The following PCDHGA12 variants were observed in gnomAD, a reference collection of about 807,000 sequenced individuals.
PCDHGA12 encodes the protein protocadherin gamma-A12.
In PCDHGA12, 43 loss-of-function variants were observed where a neutral mutation model predicts 61.1. The observed-to-expected ratio is 0.70, with a 90% CI of 0.55 to 0.91. The LOEUF (loss-of-function observed/expected upper bound fraction) is 0.91. Among genes scored for constraint, PCDHGA12 ranks in the 40% least tolerant of loss-of-function variants. The probability of loss-of-function intolerance (pLI) is 0.00; values close to 1 mark genes in which losing one functional copy is unlikely to be tolerated. For missense variants in PCDHGA12, 1,236 were observed against 1,227.7 expected, an observed-to-expected ratio of 1.01 and a Z score of -0.10; for synonymous variants, 520 against 542.9, an observed-to-expected ratio of 0.96 and a Z score of 0.59.
chr5:141,435,940 G>A (rs2097787697), intron 1 of PCDHGA12, among the ~76,000 whole-genome samples: 1 of 152,066 alleles, frequency 6.6e-6, no homozygotes, highest in Admixed American at 6.5e-5. Flanking sequence ...CTGCTTCTGA[G>A]ACCAAAAAAG....
In PCDHGA12 at chr5:141,473,538, T is replaced by C. The variant is rs544537855; in HGVS notation, c.2425-21269T>C. Among the ~76,000 whole-genome samples, 58 of 152,328 alleles carry C rather than the reference T, an allele frequency of 3.8e-4. 1 individual carries two copies. Among genetic ancestry groups the C allele is most frequent in the African/African-American group, 1.3e-3 (55 of 41,576 alleles). Reference sequence around the variant, plus strand: ...AAGGATCCTGGTTTTAACTGGGGCCTAATGGAAGACCTCTATTAGGAAATA... The same window carrying C: ...AAGGATCCTGGTTTTAACTGGGGCCCAATGGAAGACCTCTATTAGGAAATA... On this transcript the variant is annotated intron_variant, in intron 1 of 3. Coordinates refer to ENST00000252085, the MANE Select transcript of PCDHGA12 (RefSeq NM_003735.3).
Position 141,476,696 on chromosome 5 carries a change from G to T in PCDHGA12, c.2425-18111G>T, listed in dbSNP as rs750429892. ...GACGCGGGAGGACAGCACCAAGTAC[G>T]CGGAGCTGGTGTTGGAGCGCGCCCT... On this transcript the variant is annotated intron_variant, in intron 1 of 3. Transcript: ENST00000252085. This position sits in a 1 kb window ranked among gnomAD's most constrained non-coding sequence, Gnocchi z 7.6. 3 of 1,614,102 alleles carry T rather than the reference G, an allele frequency of 1.9e-6. No individual in the cohort carries two copies. The highest frequency in any genetic ancestry group is 2.5e-6 in the Non-Finnish European group (3 of 1,180,050).
Position 141,430,634 on chromosome 5 carries a change from C to A in PCDHGA12, c.-126C>A. 1 of 882,730 alleles carries A rather than the reference C, an allele frequency of 1.1e-6. No homozygotes were observed. The highest frequency in any genetic ancestry group is 1.7e-6 in the Non-Finnish European group (1 of 604,338). 54.7% of individuals were successfully genotyped at this position (882,730 alleles called of 1,614,324 possible). A position where few individuals can be genotyped will look rare whatever the true frequency, so the allele number is the denominator to read the frequency against. On this transcript the variant is annotated 5_prime_UTR_variant, in exon 1 of 4. It adds an upstream start codon to the 5' untranslated region. Transcript: ENST00000252085. ...GCAGATAGCTAGGAATGAACCATCC[C>A]TGGGAGTATGTGGAAACAACGGAGG... is the stretch of plus-strand genomic sequence containing the variant.
Position 141,489,765 on chromosome 5 carries a change from C to A in PCDHGA12, c.2425-5042C>A. On this transcript the variant is annotated intron_variant, in intron 1 of 3. Transcript: ENST00000252085. The surrounding 1 kb of genome is among the most constrained non-coding windows in gnomAD (Gnocchi z 4.5). ...TGAGCTTTTACACTCTAAGCCCCAA[C>A]AGCCACTTCTCTCTGAATGTGAAGA... 2.5e-6 allele frequency: 4 copies of A among 1,614,174 alleles called. No individual in the cohort carries two copies. The highest frequency in any genetic ancestry group is 3.4e-6 in the Non-Finnish European group (4 of 1,179,992).
In PCDHGA12 at chr5:141,432,075, C is replaced by G. The variant is rs2097446801; in HGVS notation, c.1316C>G (p.Ser439Trp). 2 of 1,614,086 alleles carry G rather than the reference C, an allele frequency of 1.2e-6. No individual in the cohort carries two copies. Among genetic ancestry groups the G allele is most frequent in the Non-Finnish European group, 1.7e-6 (2 of 1,180,054 alleles). ...TPPLSTETHI[S>W]LNVADTNDNP... ...CCCCTATCCACGGAAACTCATATCT[C>G]GCTGAACGTGGCAGACACCAACGAC... Residue 439 changes from serine (S) to tryptophan (W), a missense_variant, in exon 1 of 4, where the codon TCG becomes TGG. By Grantham distance (177) the Ser-to-Trp change is radical. Transcript: ENST00000252085. This position sits in a 1 kb window ranked among gnomAD's most constrained non-coding sequence, Gnocchi z 6.0.
Position 141,491,885 on chromosome 5 carries a change from G to T in PCDHGA12, c.2425-2922G>T. On this transcript the variant is annotated intron_variant, in intron 1 of 3. Transcript: ENST00000252085. The surrounding 1 kb of genome is among the most constrained non-coding windows in gnomAD (Gnocchi z 6.9). ...ACCAGAGTGGCCGATTAAGGGATGG[G>T]GCTCCGAGCACCGGGGGTGGTGGCG... The T allele has an allele frequency of 6.9e-7, 1 of 1,445,748 alleles. No homozygotes were observed. Among genetic ancestry groups the T allele is most frequent in the Non-Finnish European group, 9.1e-7 (1 of 1,093,758 alleles). The allele number at this position is 1,445,748 out of a possible 1,614,324, so 89.6% of individuals were successfully genotyped here. A position where few individuals can be genotyped will look rare whatever the true frequency, so the allele number is the denominator to read the frequency against.
At chr5:141,449,251 A>T (rs918418872) in intron 1 of PCDHGA12, among the ~76,000 whole-genome samples, 10 of 152,256 alleles carry the variant, frequency 6.6e-5, no homozygotes, top group Middle Eastern at 3.4e-3. Flanking sequence ...AGTTGCAAGA[A>T]TTGTACAAAG....
intron 1 of PCDHGA12, among the ~76,000 whole-genome samples, chr5:141,455,406 CAG>C (rs1306843200): frequency 3.3e-5 from 5 of 152,226 alleles, no homozygotes; most frequent in Non-Finnish European, 5.9e-5. Flanking sequence ...CTTACAGAGA[CAG>C]AGGGAGCGGG....
chr5:141,470,828 C>A (rs1328067769), intron 1 of PCDHGA12, among the ~76,000 whole-genome samples: 1 of 151,994 alleles, frequency 6.6e-6, no homozygotes, highest in Non-Finnish European at 1.5e-5. Flanking sequence ...GTTAGGACGA[C>A]AAACACACGC....
Position 141,431,003 on chromosome 5 carries a change from G to C in PCDHGA12, c.244G>C (p.Gly82Arg). The C allele has an allele frequency of 6.2e-7, 1 of 1,614,078 alleles. No individual in the cohort carries two copies. The highest frequency in any genetic ancestry group is 8.5e-7 in the Non-Finnish European group (1 of 1,179,974). Residue 82 changes from glycine (G) to arginine (R), a missense_variant, in exon 1 of 4, where the codon GGC (glycine) becomes CGC (arginine). Transcript: ENST00000252085. The surrounding 1 kb of genome is among the most constrained non-coding windows in gnomAD (Gnocchi z 4.8). ...GCTTTTCGCCCTGAATCCGCGCAGC[G>C]GCAGCTTGGTCACGGCGGGCAGGAT... is the stretch of plus-strand genomic sequence containing the variant. ...TQLFALNPRS[G>R]SLVTAGRIDR...
At chr5:141,454,721 A>G (rs2098797156) in intron 1 of PCDHGA12, among the ~76,000 whole-genome samples, 1 of 146,810 alleles carries the variant, frequency 6.8e-6, no homozygotes, top group South Asian at 2.2e-4. Flanking sequence ...ATTCCATATT[A>G]TATGTTATAG....
At chr5:141,459,149 T>C (rs2098961903) in intron 1 of PCDHGA12, among the ~76,000 whole-genome samples, 1 of 152,234 alleles carries the variant, frequency 6.6e-6, no homozygotes, top group Non-Finnish European at 1.5e-5. Context: ...AATCAAAATA[T>C]AGAACATTTC....
intron 1 of PCDHGA12, among the ~76,000 whole-genome samples, chr5:141,445,953 T>C (rs550111391): frequency 2.0e-4 from 31 of 152,308 alleles, no homozygotes; most frequent in Middle Eastern, 3.4e-3. Flanking sequence ...CTCTGGCTGC[T>C]ATATGGAGAA....
At position 141,476,901 on chromosome 5, in the gene PCDHGA12, G is replaced by C; in HGVS notation, c.2425-17906G>C. On this transcript the variant is annotated intron_variant, in intron 1 of 3. Coordinates refer to ENST00000252085, the MANE Select transcript of PCDHGA12 (RefSeq NM_003735.3). The surrounding 1 kb of genome is among the most constrained non-coding windows in gnomAD (Gnocchi z 7.6). ...CTGGAGGATGCACCCTCCGGCACGC[G>C]CGTGGTACAAGTCCTTGCAACGGAT... The C allele has an allele frequency of 1.2e-6, 2 of 1,613,900 alleles. No homozygotes were observed. Among genetic ancestry groups the C allele is most frequent in the Non-Finnish European group, 1.7e-6 (2 of 1,180,034 alleles).
chr5:141,476,229 C>A lies in PCDHGA12; in HGVS notation c.2425-18578C>A, dbSNP rs761790915. The A allele has an allele frequency of 1.9e-6, 3 of 1,613,872 alleles. No homozygotes were observed. The South Asian group carries it at 3.3e-5, about 18-fold the overall frequency. ...TCCACGGTCATTCACTATGAGATCC[C>A]GGAGGAAAGAGAGAAGGGTTTCGCT... On this transcript the variant is annotated intron_variant, in intron 1 of 3. Transcript: ENST00000252085. This position sits in a 1 kb window ranked among gnomAD's most constrained non-coding sequence, Gnocchi z 7.6.
At chr5:141,484,392 T>G (rs1454201773) in intron 1 of PCDHGA12, among the ~76,000 whole-genome samples, 1 of 152,162 alleles carries the variant, frequency 6.6e-6, no homozygotes, top group African/African-American at 2.4e-5. Flanking sequence ...TAAGAAAGGT[T>G]TGGTTTCCGC....
At chr5:141,445,855 T>C (rs1432695384) in intron 1 of PCDHGA12, among the ~76,000 whole-genome samples, 1 of 152,222 alleles carries the variant, frequency 6.6e-6, no homozygotes, top group Non-Finnish European at 1.5e-5. Flanking sequence ...CTTAAAATTC[T>C]GGATTTTGTT....
chr5:141,431,699 T>C lies in PCDHGA12; in HGVS notation c.940T>C (p.Phe314Leu). ...GGAGTTGGACCACGAGGAGTCAGGA[T>C]TCTACCAGATGGAAGTGCAAGCAAT... is the stretch of plus-strand genomic sequence containing the variant. Reference protein sequence around the residue: ...IGELDHEESGFYQMEVQAMDN... With the variant: ...IGELDHEESGLYQMEVQAMDN... Residue 314 changes from phenylalanine to leucine, a missense_variant, in exon 1 of 4, where the codon TTC becomes CTC. By Grantham distance (22) the Phe-to-Leu change is conservative. Coordinates refer to ENST00000252085, the MANE Select transcript of PCDHGA12 (RefSeq NM_003735.3). The surrounding 1 kb of genome is among the most constrained non-coding windows in gnomAD (Gnocchi z 4.8). 6.2e-7 allele frequency: 1 copy of C among 1,614,222 alleles called. No individual in the cohort carries two copies. Among genetic ancestry groups the C allele is most frequent in the South Asian group, 1.1e-5 (1 of 91,074 alleles).
In PCDHGA12 at chr5:141,432,872, C is replaced by A. The variant is rs73280906; in HGVS notation, c.2113C>A (p.Leu705Met). Reference protein sequence around the residue: ...VAVAAVSCVFLAFVILLLALR... With the variant: ...VAVAAVSCVFMAFVILLLALR... The stretch of plus-strand genomic sequence containing the variant: ...GGTGGCCGCGGTCTCCTGCGTCTTC[C>A]TGGCCTTCGTCATCTTGCTGCTGGC... The change falls in exon 1 of 4, where the codon CTG (leucine) becomes ATG (methionine). Residue 705 changes from leucine (L) to methionine (M), a missense_variant. Transcript: ENST00000252085. The surrounding 1 kb of genome is among the most constrained non-coding windows in gnomAD (Gnocchi z 6.0). 2,361 of 1,614,192 alleles carry A rather than the reference C, an allele frequency of 1.5e-3. 32 individuals carry two copies. In the African/African-American group the frequency reaches 0.028, roughly 19 times the overall value.
Sources: gnomAD v4.1 joint callset for allele counts (sites outside exome capture counted in the v4.1 genomes callset) on GRCh38, gnomAD v4.1.1 for gene constraint, Gnocchi (gnomAD v3.1) non-coding constraint, MANE v1.5 for transcripts, NCBI Gene and HGNC (gene_info 2026-07-23, HGNC 2026-07-21) for gene names.